Variants in CTSC observed in about 807,000 individuals in gnomAD.
The protein encoded by CTSC is dipeptidyl peptidase 1.
CTSC carries 37 observed loss-of-function variants against 40.9 expected under a neutral mutation model. That is an observed-to-expected ratio of 0.91 (90% CI 0.70 to 1.19). The LOEUF is 1.19. Ranked by LOEUF, CTSC falls within the 50% of genes most tolerant of loss-of-function variation. The pLI is 0.00. For synonymous variants in CTSC, 232 were observed against 207.4 expected (o/e 1.12, Z -1.02); for missense variants, 594 against 567.3 (o/e 1.05, Z -0.48).
intron 2 of CTSC, chr11:88,325,821 C>T: frequency 1.0e-6 from 1 of 985,712 alleles, no homozygotes; most frequent in Non-Finnish European, 1.2e-6. Flanking sequence ...TTTTTCCCTT[C>T]TTTAAATATG....
rs545706851 is a variant in CTSC at position 88,319,311 on chromosome 11, TATA to T, written c.319-6760_319-6758del. On this transcript the variant is annotated intron_variant, in intron 2 of 6. Coordinates refer to ENST00000227266, the MANE Select transcript of CTSC (RefSeq NM_001814.6). ...AGATGTTTTGAAATGGTTCCATCAC[TATA>T]ATATTTTTTTTAGTCCTAGACATCA... is the stretch of plus-strand genomic sequence containing the variant. 4.3e-4 allele frequency among the ~76,000 whole-genome samples: 66 copies of T among 152,332 alleles called. No individual in the cohort carries two copies. In the East Asian group the frequency reaches 4.6e-3, roughly 11 times the overall value.
chr11:88,314,733 G>A (rs1352826580), intron 2 of CTSC, among the ~76,000 whole-genome samples: 1 of 152,090 alleles, frequency 6.6e-6, no homozygotes. Flanking sequence ...TCACCATGTT[G>A]GCCAGGCTGG....
Position 88,294,069 on chromosome 11 carries a change from T to A in CTSC, c.1329A>T (p.Arg443Ser), listed in dbSNP as rs1457116420. 1.9e-6 allele frequency: 3 copies of A among 1,613,954 alleles called. No individual in the cohort carries two copies. The highest frequency in any genetic ancestry group is 2.5e-6 in the Non-Finnish European group (3 of 1,180,006). The stretch of plus-strand genomic sequence containing the variant: ...TCTCAATTGCACACTCATCAGTTCC[T>A]CTGCGGATCCGGAAGTAGCCATTCT... ...WGENGYFRIR[R>S]GTDECAIESI... Residue 443 changes from arginine to serine, a missense_variant, in exon 7 of 7, where the codon AGA (arginine) becomes AGT (serine). Physicochemically the swap from Arg to Ser is moderately radical, Grantham distance 110 (BLOSUM62 -1). Coordinates refer to ENST00000227266, the MANE Select transcript of CTSC (RefSeq NM_001814.6).
At chr11:88,301,810 G>GCACACA (rs71046248) in intron 4 of CTSC, among the ~76,000 whole-genome samples, 67 of 118,296 alleles carry the variant, frequency 5.7e-4, no homozygotes, top group African/African-American at 1.5e-3. Context: ...ACACACGCGC[G>GCACACA]CACACACACA....
chr11:88,303,341 C>G (rs1213383946), intron 4 of CTSC, among the ~76,000 whole-genome samples: 1 of 152,200 alleles, frequency 6.6e-6, no homozygotes. Context: ...TCCCACAAAA[C>G]TGCCCCCTAC....
chr11:88,312,477 C>T lies in CTSC; in HGVS notation c.396G>A (p.Arg132=), dbSNP rs1937786238. The change falls in exon 3 of 7, where the codon CGG becomes CGA. Residue 132 remains arginine, a synonymous_variant. Coordinates refer to ENST00000227266, the MANE Select transcript of CTSC (RefSeq NM_001814.6). ...MTGWVHDVLG[R]NWACFTGKKV... is the part of the protein sequence containing the mutation. ...TCTTTCCGGTGAAACAAGCCCAGTT[C>T]CGGCCCAACACATCATGCACCCACC... 1 of 1,614,198 alleles carries T rather than the reference C, an allele frequency of 6.2e-7. No individual in the cohort carries two copies. The highest frequency in any genetic ancestry group is 2.2e-5 in the East Asian group (1 of 44,878).
At chr11:88,321,765 T>C (rs1027674748) in intron 2 of CTSC, 2 of 152,230 alleles carry the variant, frequency 1.3e-5, no homozygotes, top group African/African-American at 2.4e-5. Context: ...ATCTTTGTAA[T>C]AGAATGATTT....
chr11:88,311,069 C>T (rs1937745086), intron 3 of CTSC, among the ~76,000 whole-genome samples: 1 of 152,110 alleles, frequency 6.6e-6, no homozygotes, highest in African/African-American at 2.4e-5. Flanking sequence ...TCATTAAGAG[C>T]TGAAAGAGAC....
At chr11:88,312,303 C>G (rs1937780226) in intron 3 of CTSC, 85 bp downstream of exon 3, 5 of 1,324,244 alleles carry the variant, frequency 3.8e-6, no homozygotes, top group Non-Finnish European at 5.4e-6. Context: ...TTTGTATAAT[C>G]AAACTAAAAT....
chr11:88,316,253 T>C (rs1231470785), intron 2 of CTSC, among the ~76,000 whole-genome samples: 1 of 152,190 alleles, frequency 6.6e-6, no homozygotes, highest in Non-Finnish European at 1.5e-5. Context: ...CTGCCACTGA[T>C]TGGCTGTGTG....
At position 88,318,340 on chromosome 11, in the gene CTSC, C is replaced by T. The variant is rs117411599; in HGVS notation, c.319-5786G>A. On this transcript the variant is annotated intron_variant, in intron 2 of 6. Coordinates refer to ENST00000227266, the MANE Select transcript of CTSC (RefSeq NM_001814.6). Reference sequence around the variant, plus strand: ...CTTTATCTGAAAGTAGGAATGATATCTATAATTGATACTACTTTACTGGAC... The same window carrying T: ...CTTTATCTGAAAGTAGGAATGATATTTATAATTGATACTACTTTACTGGAC... Among the ~76,000 whole-genome samples the T allele has an allele frequency of 1.1e-4, 16 of 152,224 alleles. No homozygotes were observed. The East Asian group carries it at 2.9e-3, about 28-fold the overall frequency.
Position 88,306,659 on chromosome 11 carries a change from C to T in CTSC, c.641+2504G>A, listed in dbSNP as rs529520565. Among the ~76,000 whole-genome samples the T allele has an allele frequency of 8.5e-5, 13 of 152,274 alleles. No individual in the cohort carries two copies. In the South Asian group the frequency reaches 1.2e-3, roughly 15 times the overall value. On this transcript the variant is annotated intron_variant, in intron 4 of 6. Coordinates refer to ENST00000227266, the MANE Select transcript of CTSC (RefSeq NM_001814.6). ...CCATCCTCCTTCTCTGGCTGAGAGT[C>T]GTCTCGCGGAGAGCCACCTCCACCA...
intron 5 of CTSC, 191 bp from the exon 6 acceptor site, chr11:88,296,455 T>C: frequency 3.3e-6 from 2 of 612,870 alleles, no homozygotes; most frequent in East Asian, 3.4e-5. Context: ...GATTTCATCC[T>C]TTTTCATCAA....
intron 2 of CTSC, among the ~76,000 whole-genome samples, chr11:88,313,663 T>A (rs1395562544): frequency 6.6e-6 from 1 of 152,160 alleles, no homozygotes; most frequent in Non-Finnish European, 1.5e-5. Context: ...GAAAATGCTG[T>A]GCTAAATTTC....
intron 4 of CTSC, among the ~76,000 whole-genome samples, chr11:88,307,096 A>C (rs1937649792): frequency 6.6e-6 from 1 of 152,252 alleles, no homozygotes; most frequent in Non-Finnish European, 1.5e-5. Flanking sequence ...TTGAGTAATT[A>C]TTAATCTATT....
intron 4 of CTSC, among the ~76,000 whole-genome samples, chr11:88,304,655 A>C (rs1937614469): frequency 6.6e-6 from 1 of 152,244 alleles, no homozygotes; most frequent in African/African-American, 2.4e-5. Flanking sequence ...GGAGGTCAGC[A>C]CAAGATTCAG....
chr11:88,323,719 T>A (rs1232623461), intron 2 of CTSC: 2 of 151,612 alleles, frequency 1.3e-5, no homozygotes, highest in African/African-American at 2.4e-5. Context: ...AAGTGAAGGA[T>A]CTCTTCAAGG....
At chr11:88,335,120 A>G (rs1168353824) in intron 1 of CTSC, 38 bp from the exon 2 acceptor site, 1 of 1,376,646 alleles carries the variant, frequency 7.3e-7, no homozygotes, top group Admixed American at 1.7e-5. Context: ...AAGGAAAATT[A>G]TTTGGATTTC....
intron 6 of CTSC, 70 bp downstream of exon 6, chr11:88,296,063 C>A: frequency 2.6e-6 from 4 of 1,549,588 alleles, no homozygotes; most frequent in Non-Finnish European, 3.6e-6. Context: ...CATCCTTTTG[C>A]CTTTGCCAAC....
Sources: gnomAD v4.1 joint callset for allele counts (sites outside exome capture counted in the v4.1 genomes callset) on GRCh38, gnomAD v4.1.1 for gene constraint, MANE v1.5 for transcripts, NCBI Gene and HGNC (gene_info 2026-07-23, HGNC 2026-07-21) for gene names.